The following GALNT13 variants were observed in gnomAD, a reference collection of about 807,000 sequenced individuals.
GALNT13 encodes the protein polypeptide N-acetylgalactosaminyltransferase 13, also known as UDP-GalNAc:polypeptide N-acetylgalactosaminyltransferase 13.
A neutral mutation model predicts 64.2 loss-of-function variants in GALNT13; 28 were observed. The ratio of observed to expected loss-of-function variants is 0.44; its 90% CI spans 0.32 to 0.60. The LOEUF is 0.60. Among genes scored for constraint, GALNT13 ranks in the 20% least tolerant of loss-of-function variants. The pLI is 0.05. For synonymous variants in GALNT13, 214 were observed against 224.6 expected (o/e 0.95, Z 0.42); for missense variants, 577 against 669.8 (o/e 0.86, Z 1.53).
At chr2:153,151,169 G>A in the GALNT13 span, among the ~76,000 whole-genome samples, 1 of 151,976 alleles carries the variant, frequency 6.6e-6, no homozygotes, top group East Asian at 1.9e-4. Context: ...AGTTCTCCTT[G>A]AGGAGGTCCT....
chr2:154,358,486 G>T (rs749358602), intron 9 of GALNT13, among the ~76,000 whole-genome samples: 2 of 151,888 alleles, frequency 1.3e-5, no homozygotes, highest in Non-Finnish European at 2.9e-5. Flanking sequence ...TTACAATTCC[G>T]TATATATTAA....
chr2:153,436,131 T>G, the GALNT13 span, among the ~76,000 whole-genome samples: 1 of 152,218 alleles, frequency 6.6e-6, no homozygotes, highest in African/African-American at 2.4e-5. Flanking sequence ...GGATTATGTT[T>G]ATTGATATTC....
chr2:153,659,609 G>A, the GALNT13 span, among the ~76,000 whole-genome samples: 1 of 152,046 alleles, frequency 6.6e-6, no homozygotes, highest in Non-Finnish European at 1.5e-5. Context: ...TTATCTGGGT[G>A]CACAAAAATT....
chr2:153,868,744 T>C (rs532424275), upstream of GALNT13, among the ~76,000 whole-genome samples: 9 of 152,316 alleles, frequency 5.9e-5, no homozygotes, highest in East Asian at 3.9e-4. Flanking sequence ...TATTGGCCAA[T>C]AGACATTCTT....
chr2:153,480,522 A>G, the GALNT13 span, among the ~76,000 whole-genome samples: 6,660 of 152,202 alleles, frequency 0.044, 462 homozygotes, highest in African/African-American at 0.14. Flanking sequence ...TAGAATTGAA[A>G]AATACCTCAC....
chr2:153,508,013 G>T, the GALNT13 span, among the ~76,000 whole-genome samples: 1 of 152,186 alleles, frequency 6.6e-6, no homozygotes, highest in East Asian at 1.9e-4. Context: ...AGGGTCCAGT[G>T]ATGTGATCTG....
chr2:153,078,352 T>G, the GALNT13 span, among the ~76,000 whole-genome samples: 1 of 147,364 alleles, frequency 6.8e-6, no homozygotes, highest in Non-Finnish European at 1.5e-5. Context: ...GGAGTCTCAC[T>G]CCAGGCTGAT....
chr2:153,856,861 T>C, the GALNT13 span, among the ~76,000 whole-genome samples: 1 of 152,072 alleles, frequency 6.6e-6, no homozygotes, highest in Non-Finnish European at 1.5e-5. Context: ...CTAGAAACAA[T>C]CCAAATGATT....
chr2:154,169,075 C>G (rs575677507), intron 4 of GALNT13, among the ~76,000 whole-genome samples: 2 of 152,064 alleles, frequency 1.3e-5, no homozygotes, highest in East Asian at 3.9e-4. Flanking sequence ...TTTTAACAAC[C>G]TGTTCTCTCA....
At chr2:153,455,695 G>A in the GALNT13 span, among the ~76,000 whole-genome samples, 1 of 152,090 alleles carries the variant, frequency 6.6e-6, no homozygotes, top group East Asian at 1.9e-4. Flanking sequence ...TCTGCTGTCC[G>A]CGGACAGCTT....
At chr2:153,250,319 A>G in the GALNT13 span, among the ~76,000 whole-genome samples, 1 of 152,278 alleles carries the variant, frequency 6.6e-6, no homozygotes, top group Non-Finnish European at 1.5e-5. Context: ...AACGCAAATC[A>G]AAACCACAAT....
chr2:153,540,108 G>T, the GALNT13 span, among the ~76,000 whole-genome samples: 33 of 152,338 alleles, frequency 2.2e-4, no homozygotes, highest in African/African-American at 7.5e-4. Context: ...AGGCCTGAAG[G>T]CCTACGAGGA....
chr2:154,086,737 A>G (rs1327956640), intron 3 of GALNT13, among the ~76,000 whole-genome samples: 1 of 151,834 alleles, frequency 6.6e-6, no homozygotes, highest in Admixed American at 6.6e-5. Context: ...AAGCATATCA[A>G]TTGATATTTT....
At chr2:153,538,531 T>G in the GALNT13 span, among the ~76,000 whole-genome samples, 1 of 71,210 alleles carries the variant, frequency 1.4e-5, no homozygotes, top group Non-Finnish European at 2.6e-5. Context: ...CCCAATGCTA[T>G]CCCTCCCCCC....
chr2:153,227,233 T>G, the GALNT13 span, among the ~76,000 whole-genome samples: 197 of 152,322 alleles, frequency 1.3e-3, no homozygotes, highest in African/African-American at 4.5e-3. Flanking sequence ...GTCATAGCAT[T>G]GACTCAGTGA....
chr2:153,673,655 G>A, the GALNT13 span, among the ~76,000 whole-genome samples: 3 of 152,154 alleles, frequency 2.0e-5, no homozygotes, highest in African/African-American at 7.2e-5. Context: ...ACAAGACAAG[G>A]ATGCCCTCTC....
intron 5 of GALNT13, among the ~76,000 whole-genome samples, 195 bp downstream of exon 5, chr2:154,242,391 A>G (rs1689541135): frequency 6.6e-6 from 1 of 152,148 alleles, no homozygotes; most frequent in South Asian, 2.1e-4. Flanking sequence ...AGAAGCAAAT[A>G]ACTAATTCTT....
the GALNT13 span, among the ~76,000 whole-genome samples, chr2:153,138,037 G>T: frequency 6.6e-6 from 1 of 152,044 alleles, no homozygotes; most frequent in African/African-American, 2.4e-5. Flanking sequence ...GCCAGACTCT[G>T]TTTTCAGCTT....
At chr2:153,202,260 C>T in the GALNT13 span, among the ~76,000 whole-genome samples, 4 of 152,100 alleles carry the variant, frequency 2.6e-5, no homozygotes, top group Non-Finnish European at 5.9e-5. Context: ...CTGTCTCCAC[C>T]CATTTCTTGA....
Sources: allele counts gnomAD v4.1 joint callset (sites outside exome capture counted in the v4.1 genomes callset), GRCh38; gene constraint gnomAD v4.1.1; transcripts MANE v1.5; gene names NCBI Gene and HGNC (gene_info 2026-07-23, HGNC 2026-07-21).